The following PIK3C2G variants were observed in gnomAD, a reference collection of about 807,000 sequenced individuals.
PIK3C2G encodes the protein phosphatidylinositol-4-phosphate 3-kinase catalytic subunit type 2 gamma.
In PIK3C2G, 168 loss-of-function variants were observed where a neutral mutation model predicts 181.1. The ratio of observed to expected loss-of-function variants is 0.93; its 90% CI spans 0.82 to 1.05. The LOEUF (loss-of-function observed/expected upper bound fraction) is 1.05, where lower values mean the gene tolerates loss of function less well. Ranked by LOEUF, PIK3C2G falls within the 50% of genes least tolerant of loss-of-function variation. PIK3C2G has a pLI of 0.00. For synonymous variants in PIK3C2G, 573 were observed against 592.2 expected (o/e 0.97, Z 0.47); for missense variants, 1,869 against 1,732.8 (o/e 1.08, Z -1.40).
At chr12:18,368,385 T>G (rs1941794404) in intron 12 of PIK3C2G, among the ~76,000 whole-genome samples, 1 of 152,224 alleles carries the variant, frequency 6.6e-6, no homozygotes, top group African/African-American at 2.4e-5. Context: ...TTAAATGCAT[T>G]ACTTAGAAAG....
intron 1 of PIK3C2G, among the ~76,000 whole-genome samples, chr12:18,280,533 G>A (rs1949167288): frequency 6.6e-6 from 1 of 152,070 alleles, no homozygotes; most frequent in South Asian, 2.1e-4. Context: ...CTTTTGAGGA[G>A]CCAGAAGGCC....
chr12:18,424,919 T>C, intron 18 of PIK3C2G: 1 of 207,662 alleles, frequency 4.8e-6, no homozygotes, highest in Non-Finnish European at 1.0e-5. Context: ...CATTCTCCAA[T>C]TCCATATGGC....
At chr12:18,435,108 C>G (rs1946378332) in intron 18 of PIK3C2G, among the ~76,000 whole-genome samples, 1 of 151,888 alleles carries the variant, frequency 6.6e-6, no homozygotes, top group Admixed American at 6.6e-5. Flanking sequence ...TCTACCATTT[C>G]AATTCTTTCA....
chr12:18,653,545 G>T, the PIK3C2G span, among the ~76,000 whole-genome samples: 43 of 152,082 alleles, frequency 2.8e-4, no homozygotes, highest in Non-Finnish European at 2.9e-5. Context: ...AGGTATACCT[G>T]ACTGTTACCT....
intron 29 of PIK3C2G, among the ~76,000 whole-genome samples, chr12:18,572,774 T>C (rs552588189): frequency 6.6e-5 from 10 of 152,256 alleles, no homozygotes; most frequent in Admixed American, 2.6e-4. Context: ...TCCTGTATTT[T>C]TTAATTATTT....
At chr12:18,693,002 G>A in the PIK3C2G span, 7 of 1,409,804 alleles carry the variant, frequency 5.0e-6, no homozygotes, top group East Asian at 2.3e-5. Context: ...TTCTCATGGA[G>A]GAAGAATTCA....
chr12:18,677,998 G>T, the PIK3C2G span, among the ~76,000 whole-genome samples: 4 of 152,068 alleles, frequency 2.6e-5, no homozygotes, highest in African/African-American at 7.2e-5. Flanking sequence ...TTAGCATAAA[G>T]AATATGAGAA....
chr12:18,578,406 T>C (rs1946335823), intron 29 of PIK3C2G, among the ~76,000 whole-genome samples: 1 of 152,166 alleles, frequency 6.6e-6, no homozygotes, highest in South Asian at 2.1e-4. Context: ...CATCAGATGT[T>C]GCTCAGCATT....
intron 18 of PIK3C2G, among the ~76,000 whole-genome samples, chr12:18,450,700 T>A (rs917568036): frequency 6.6e-6 from 1 of 152,140 alleles, no homozygotes; most frequent in Non-Finnish European, 1.5e-5. Flanking sequence ...TCTTCTAGGG[T>A]TTTTATGGTT....
At chr12:18,651,405 T>C (rs1950512114), downstream of PIK3C2G, among the ~76,000 whole-genome samples, 1 of 152,178 alleles carries the variant, frequency 6.6e-6, no homozygotes, top group Non-Finnish European at 1.5e-5. Flanking sequence ...CTTATGCACT[T>C]ATCATCTTTG....
At chr12:18,643,930 T>G (rs1949980687) in intron 32 of PIK3C2G, among the ~76,000 whole-genome samples, 1 of 152,196 alleles carries the variant, frequency 6.6e-6, no homozygotes, top group Admixed American at 6.5e-5. Context: ...CCTCTTTATA[T>G]AAATCTCTCA....
At chr12:18,650,355 G>A (rs1190983236), downstream of PIK3C2G, among the ~76,000 whole-genome samples, 13,156 of 124,830 alleles carry the variant, frequency 0.11, 1,112 homozygotes, top group African/African-American at 0.23. Context: ...ATATGTGTGT[G>A]TGTGTGTGTG....
intron 14 of PIK3C2G, among the ~76,000 whole-genome samples, chr12:18,388,540 C>T (rs1336833101): frequency 6.6e-6 from 1 of 152,114 alleles, no homozygotes; most frequent in African/African-American, 2.4e-5. Flanking sequence ...CTCCCAAAGT[C>T]CTGAGATTAC....
intron 5 of PIK3C2G, among the ~76,000 whole-genome samples, chr12:18,294,641 G>A (rs11044010): frequency 0.08 from 12,206 of 151,852 alleles, 542 homozygotes; most frequent in Non-Finnish European, 0.093. Flanking sequence ...GTTTACCAAA[G>A]TAACCATTTG....
At chr12:18,349,043 C>T (rs755805401) in intron 11 of PIK3C2G, among the ~76,000 whole-genome samples, 1 of 152,134 alleles carries the variant, frequency 6.6e-6, no homozygotes, top group African/African-American at 2.4e-5. Flanking sequence ...TGTCCTCAGG[C>T]CATAGAGTTG....
chr12:18,505,327 G>T lies in PIK3C2G; in HGVS notation c.3189G>T (p.Trp1063Cys). 3 of 1,611,646 alleles carry T rather than the reference G, an allele frequency of 1.9e-6. No homozygotes were observed. Among genetic ancestry groups the T allele is most frequent in the Non-Finnish European group, 2.5e-6 (3 of 1,178,558 alleles). The change falls in exon 24 of 33, where the codon TGG becomes TGT. Residue 1063 changes from tryptophan to cysteine, a missense_variant. Coordinates refer to ENST00000538779, the MANE Select transcript of PIK3C2G (RefSeq NM_001288772.2). The part of the protein sequence containing the change: ...LRNFFYSCAG[W>C]CVVTFILGVC... The stretch of plus-strand genomic sequence containing the variant: ...ACTTTTTCTACTCCTGTGCTGGCTG[G>T]TGTGTGGTAACATTCATCCTGGGAG...
At chr12:18,724,330 G>A in the PIK3C2G span, among the ~76,000 whole-genome samples, 7 of 152,118 alleles carry the variant, frequency 4.6e-5, no homozygotes, top group Non-Finnish European at 1.0e-4. Context: ...TTAGACAAAT[G>A]AGAGAGATAA....
At chr12:18,723,508 A>G in the PIK3C2G span, 5 of 1,612,550 alleles carry the variant, frequency 3.1e-6, no homozygotes, top group Non-Finnish European at 4.2e-6. Context: ...AAATTCTTCT[A>G]TGGTGATTCT....
intron 29 of PIK3C2G, among the ~76,000 whole-genome samples, chr12:18,570,266 T>C (rs757455780): frequency 1.3e-5 from 2 of 151,868 alleles, no homozygotes; most frequent in African/African-American, 4.8e-5. Flanking sequence ...TGGAGTGCAA[T>C]GGCCTGATCT....
Sources: gnomAD v4.1 joint callset for allele counts (sites outside exome capture counted in the v4.1 genomes callset) on GRCh38, gnomAD v4.1.1 for gene constraint, MANE v1.5 for transcripts, NCBI Gene and HGNC (gene_info 2026-07-23, HGNC 2026-07-21) for gene names.